The following CDH10 variants were observed in gnomAD, a reference collection of about 807,000 sequenced individuals.
CDH10 encodes cadherin-10.
In CDH10, 30 loss-of-function variants were observed where a neutral mutation model predicts 73.1. That is an observed-to-expected ratio of 0.41 (90% CI 0.31 to 0.56). The LOEUF (loss-of-function observed/expected upper bound fraction) is 0.56, where lower values mean the gene tolerates loss of function less well. Ranked by LOEUF, CDH10 falls within the 20% of genes least tolerant of loss-of-function variation. The probability of loss-of-function intolerance (pLI) is 0.27; values close to 1 mark genes in which losing one functional copy is unlikely to be tolerated. For missense variants in CDH10, 815 were observed against 973.7 expected (o/e 0.84, Z 2.17); for synonymous variants, 345 against 348.2 (o/e 0.99, Z 0.10).
chr5:24,593,392 C>T lies in CDH10; in HGVS notation c.99G>A (p.Gln33=), dbSNP rs2112093466. The T allele has an allele frequency of 2.5e-6, 4 of 1,612,446 alleles. No homozygotes were observed. Among genetic ancestry groups the T allele is most frequent in the Non-Finnish European group, 3.4e-6 (4 of 1,178,664 alleles). The change falls in exon 2 of 12, where the codon CAG becomes CAA. Residue 33 remains glutamine (Q), a synonymous_variant. Coordinates refer to ENST00000264463, the MANE Select transcript of CDH10 (RefSeq NM_006727.5). ...EIMFRRTPVP[Q]QRILSSRVPR... ...GTACACGTGAACTTAAAATTCTTTG[C>T]TGTGGCACAGGCGTCCTTCTGAACA...
At chr5:24,496,127 G>C (rs1047578722) in intron 9 of CDH10, among the ~76,000 whole-genome samples, 2 of 152,000 alleles carry the variant, frequency 1.3e-5, no homozygotes, top group Non-Finnish European at 2.9e-5. Flanking sequence ...GTTTCTTAAA[G>C]GCTTAGTTGT....
At chr5:24,531,052 A>G (rs2111858542) in intron 5 of CDH10, among the ~76,000 whole-genome samples, 1 of 152,148 alleles carries the variant, frequency 6.6e-6, no homozygotes, top group East Asian at 1.9e-4. Flanking sequence ...TCAGTTGTGG[A>G]TAGACTCCCT....
In CDH10 at chr5:24,572,240, C is replaced by A. The variant is rs954460235; in HGVS notation, c.231+21020G>T. Among the ~76,000 whole-genome samples, 83 of 152,070 alleles carry A rather than the reference C, an allele frequency of 5.5e-4. 6 individuals are homozygous for A. Among genetic ancestry groups the A allele is most frequent in the Non-Finnish European group, 1.5e-5 (1 of 68,028 alleles). On this transcript the variant is annotated intron_variant, in intron 2 of 11. Coordinates refer to ENST00000264463, the MANE Select transcript of CDH10 (RefSeq NM_006727.5). ...TGAAGTCCGCCATCTTCTGGGAATG[C>A]GGAATGACACCTTTGAACCATGCCT...
chr5:24,631,849 T>C (rs543978015), intron 1 of CDH10, among the ~76,000 whole-genome samples: 2 of 152,198 alleles, frequency 1.3e-5, no homozygotes, highest in African/African-American at 2.4e-5. Flanking sequence ...AAAGATGTAA[T>C]TTGAACCTCT....
At position 24,487,633 on chromosome 5, in the gene CDH10, C is replaced by T; in HGVS notation, c.*30G>A. On this transcript the variant is annotated 3_prime_UTR_variant, in exon 12 of 12. Transcript: ENST00000264463. Reference sequence around the variant, plus strand: ...GAGACAGCATGGGTAGAGTTACTTTCTCTTGTTTGAACAGAACATATATCC... The same window carrying T: ...GAGACAGCATGGGTAGAGTTACTTTTTCTTGTTTGAACAGAACATATATCC... The T allele has an allele frequency of 6.4e-7, 1 of 1,566,988 alleles. No individual in the cohort carries two copies. Among genetic ancestry groups the T allele is most frequent in the South Asian group, 1.2e-5 (1 of 84,518 alleles).
At chr5:24,509,280 C>T (rs1424659146) in intron 7 of CDH10, among the ~76,000 whole-genome samples, 1 of 117,728 alleles carries the variant, frequency 8.5e-6, no homozygotes, top group African/African-American at 3.2e-5. Flanking sequence ...ATCTCTGTCG[C>T]TCAGGCTGGA....
chr5:24,635,571 T>C (rs977682042), intron 1 of CDH10, among the ~76,000 whole-genome samples: 2 of 151,086 alleles, frequency 1.3e-5, no homozygotes, highest in African/African-American at 2.4e-5. Context: ...ACATTTTCAC[T>C]CTTTCTTATG....
chr5:24,595,505 A>C (rs1746342563), intron 1 of CDH10, among the ~76,000 whole-genome samples: 1 of 151,960 alleles, frequency 6.6e-6, no homozygotes, highest in Admixed American at 6.6e-5. Flanking sequence ...GGAGTTTAGA[A>C]ATTATCTGAT....
chr5:24,609,304 C>CT (rs1392540962), intron 1 of CDH10, among the ~76,000 whole-genome samples: 1 of 152,078 alleles, frequency 6.6e-6, no homozygotes, highest in Non-Finnish European at 1.5e-5. Flanking sequence ...ATCCTTGAGG[C>CT]TTGGTGGAAC....
At chr5:24,548,492 T>G in intron 2 of CDH10, among the ~76,000 whole-genome samples, 1 of 151,288 alleles carries the variant, frequency 6.6e-6, no homozygotes, top group East Asian at 1.9e-4. Flanking sequence ...TTTTTTTTTT[T>G]TTTTTTTTGG....
chr5:24,550,402 C>T (rs62349575), intron 2 of CDH10, among the ~76,000 whole-genome samples: 17,020 of 152,018 alleles, frequency 0.11, 1,205 homozygotes, highest in Admixed American at 0.18. Context: ...TGATGTATTC[C>T]ACCACAATGG....
At chr5:24,596,394 C>T (rs1344035391) in intron 1 of CDH10, among the ~76,000 whole-genome samples, 1 of 151,618 alleles carries the variant, frequency 6.6e-6, no homozygotes, top group Non-Finnish European at 1.5e-5. Flanking sequence ...AGTGTGTCAT[C>T]ACACTATTTT....
At chr5:24,613,279 A>G (rs930259538) in intron 1 of CDH10, 13 of 152,132 alleles carry the variant, frequency 8.5e-5, no homozygotes, top group African/African-American at 3.1e-4. Flanking sequence ...TTAAAAACTC[A>G]GGAAAAACAA....
At chr5:24,554,130 G>C (rs912468207) in intron 2 of CDH10, 1 of 39,646 alleles carries the variant, frequency 2.5e-5, no homozygotes, top group Non-Finnish European at 5.8e-5. Flanking sequence ...GAGAGAGAGA[G>C]ACATTCAATC....
chr5:24,606,287 A>T (rs1746756921), intron 1 of CDH10, among the ~76,000 whole-genome samples: 1 of 152,172 alleles, frequency 6.6e-6, no homozygotes, highest in Non-Finnish European at 1.5e-5. Context: ...AATCAAAATC[A>T]CAATGAGCTA....
At chr5:24,579,338 C>CAA (rs1182686761) in intron 2 of CDH10, among the ~76,000 whole-genome samples, 4 of 87,748 alleles carry the variant, frequency 4.6e-5, no homozygotes, top group South Asian at 4.9e-4. Flanking sequence ...ACAAGGAAAA[C>CAA]AAAAATATAT....
At chr5:24,634,355 T>G (rs2112204425) in intron 1 of CDH10, among the ~76,000 whole-genome samples, 1 of 151,986 alleles carries the variant, frequency 6.6e-6, no homozygotes, top group East Asian at 1.9e-4. Context: ...TGTCAAAGTT[T>G]TTAGCCTTTG....
At chr5:24,599,811 T>C (rs995520257) in intron 1 of CDH10, among the ~76,000 whole-genome samples, 1 of 152,042 alleles carries the variant, frequency 6.6e-6, no homozygotes, top group Non-Finnish European at 1.5e-5. Context: ...AGGTTAAGAA[T>C]AAGAAGCAGA....
rs1748171563 is a variant in CDH10 at position 24,644,892 on chromosome 5, T to G, written c.-422A>C. On this transcript the variant is annotated 5_prime_UTR_variant, in exon 1 of 12. Coordinates refer to ENST00000264463, the MANE Select transcript of CDH10 (RefSeq NM_006727.5). ...CTCTTCCTCACACGGAGAGAAAGGTTCTGCTGATAGAGCTGCAGCACTCGC... is the reference window on the plus strand; with the variant it reads ...CTCTTCCTCACACGGAGAGAAAGGTGCTGCTGATAGAGCTGCAGCACTCGC... 1.3e-5 allele frequency: 2 copies of G among 151,114 alleles called. No homozygotes were observed. Among genetic ancestry groups the G allele is most frequent in the African/African-American group, 4.9e-5 (2 of 41,114 alleles). The allele number at this position is 151,114 out of a possible 1,614,324, so 9.4% of individuals were successfully genotyped here.
Sources: allele counts gnomAD v4.1 joint callset (sites outside exome capture counted in the v4.1 genomes callset), GRCh38; gene constraint gnomAD v4.1.1; transcripts MANE v1.5; gene names NCBI Gene and HGNC (gene_info 2026-07-23, HGNC 2026-07-21).